The following ZNF350 variants were observed in gnomAD, a reference collection of about 807,000 sequenced individuals.
ZNF350 encodes the protein KRAB zinc finger protein ZFQR.
ZNF350 carries 5 observed loss-of-function variants against 13.1 expected under a neutral mutation model. That is an observed-to-expected ratio of 0.38 (90% CI 0.20 to 0.80). The LOEUF (loss-of-function observed/expected upper bound fraction) is 0.80. ZNF350 is among the 30% of genes least tolerant of loss of function. The probability of loss-of-function intolerance (pLI) is 0.43; values close to 1 mark genes in which losing one functional copy is unlikely to be tolerated. For missense variants in ZNF350, 534 were observed against 644.2 expected (o/e 0.83, Z 1.85); for synonymous variants, 199 against 224.2 (o/e 0.89, Z 1.00).
At chr19:51,979,272 G>A (rs555064489) in intron 1 of ZNF350, among the ~76,000 whole-genome samples, 3 of 152,134 alleles carry the variant, frequency 2.0e-5, no homozygotes, top group Non-Finnish European at 4.4e-5. Context: ...TGTGCACTAC[G>A]TTTTCCCTGT....
chr19:51,976,111 GCGACA>G lies in ZNF350; in HGVS notation c.-171-1585_-171-1581del, dbSNP rs2085889126. Reference sequence around the variant, plus strand: ...TGGACCCCTGGCGCCGTTATCTACTGCGACATCTAGAGAATGCAGTCTTGCAAGAC... The same window carrying G: ...TGGACCCCTGGCGCCGTTATCTACTGTCTAGAGAATGCAGTCTTGCAAGAC... On this transcript the variant is annotated intron_variant, in intron 1 of 4. Coordinates refer to ENST00000243644, the MANE Select transcript of ZNF350 (RefSeq NM_021632.4). This position sits in a 1 kb window ranked among gnomAD's most constrained non-coding sequence, Gnocchi z 4.5. Among the ~76,000 whole-genome samples the G allele has an allele frequency of 6.8e-6, 1 of 147,232 alleles. No individual in the cohort carries two copies. The highest frequency in any genetic ancestry group is 2.5e-5 in the African/African-American group (1 of 39,954).
chr19:51,985,106 C>T (rs1332895814), intron 1 of ZNF350, among the ~76,000 whole-genome samples: 1 of 152,194 alleles, frequency 6.6e-6, no homozygotes, highest in Non-Finnish European at 1.5e-5. Flanking sequence ...TGGGCAATGA[C>T]TGCTTATACA....
At chr19:51,986,307 C>G (rs572093027) in intron 1 of ZNF350, among the ~76,000 whole-genome samples, 6 of 152,158 alleles carry the variant, frequency 3.9e-5, no homozygotes, top group Non-Finnish European at 8.8e-5. Flanking sequence ...GTCTCGAAAG[C>G]TTCAGCCCTC....
At chr19:51,970,394 A>G (rs779087414) in intron 2 of ZNF350, among the ~76,000 whole-genome samples, 22 of 152,160 alleles carry the variant, frequency 1.4e-4, no homozygotes, top group Non-Finnish European at 5.9e-5. Context: ...TAGATTACTT[A>G]TAATATCTAA....
At chr19:51,981,707 A>C (rs2086049954) in intron 1 of ZNF350, among the ~76,000 whole-genome samples, 1 of 152,212 alleles carries the variant, frequency 6.6e-6, no homozygotes, top group Non-Finnish European at 1.5e-5. Context: ...CTAAAGAATT[A>C]ACAGAGAGAA....
intron 4 of ZNF350, 124 bp downstream of exon 4, chr19:51,968,454 C>A (rs2085638485): frequency 1.2e-6 from 1 of 833,976 alleles, no homozygotes; most frequent in African/African-American, 1.7e-5. Context: ...ACTGGTCTCA[C>A]ACTGGGAGAC....
chr19:51,968,826 G>C (rs1319352274), intron 3 of ZNF350, among the ~76,000 whole-genome samples, 153 bp from the exon 4 acceptor site: 1 of 152,118 alleles, frequency 6.6e-6, no homozygotes, highest in African/African-American at 2.4e-5. Context: ...TTTCATATCT[G>C]TAACATCAAG....
chr19:51,974,882 CAT>C (rs1325825134), intron 1 of ZNF350: 1 of 153,344 alleles, frequency 6.5e-6, no homozygotes, highest in Non-Finnish European at 1.5e-5. Context: ...TCCTTTAAAT[CAT>C]GTGTGCTCCC....
chr19:51,978,589 C>T (rs893982708), intron 1 of ZNF350, among the ~76,000 whole-genome samples: 2 of 152,066 alleles, frequency 1.3e-5, no homozygotes, highest in Admixed American at 1.3e-4. Flanking sequence ...CTATCTTTCC[C>T]AACCCATAGC....
At chr19:51,980,870 A>G (rs1483003555) in intron 1 of ZNF350, 1 of 152,196 alleles carries the variant, frequency 6.6e-6, no homozygotes, top group Non-Finnish European at 1.5e-5. Flanking sequence ...CACCACATTA[A>G]CATCTTATAT....
intron 4 of ZNF350, chr19:51,967,241 T>A (rs549475780): frequency 2.6e-5 from 4 of 152,188 alleles, no homozygotes; most frequent in Admixed American, 2.0e-4. Context: ...AAGAACAGAT[T>A]CATTCATTCC....
Position 51,965,450 on chromosome 19 carries a change from CTA to C in ZNF350, c.1001_1002del (p.Ile334SerfsTer16). 1.2e-6 allele frequency: 2 copies of C among 1,614,028 alleles called. No individual in the cohort carries two copies. Among genetic ancestry groups the C allele is most frequent in the Non-Finnish European group, 1.7e-6 (2 of 1,179,992 alleles). Reference protein sequence around the residue: ...GKGFIQKTCLIAHQRFHTGKT... With the variant: ...GKGFIQKTCLXAHQRFHTGKT... ...TTTCCTGTGTGAAATCTCTGATGTG[CTA>C]TGAGACACGTCTTCTGAATGAAGCC... On this transcript the variant is annotated frameshift_variant, in exon 5 of 5. Transcript: ENST00000243644. LOFTEE classifies it low-confidence loss of function (END_TRUNC).
In ZNF350 at chr19:51,974,550, A is replaced by G. The variant is rs2085833314; in HGVS notation, c.-171-19T>C. The G allele has an allele frequency of 1.6e-6, 1 of 626,224 alleles. No homozygotes were observed. The highest frequency in any genetic ancestry group is 2.8e-6 in the Non-Finnish European group (1 of 355,116). 38.8% of individuals were successfully genotyped at this position (626,224 alleles called of 1,614,324 possible). A position where few individuals can be genotyped will look rare whatever the true frequency, so the allele number is the denominator to read the frequency against. ...TCAGAACCTGTGGGTTGAAGAGCAA[A>G]TTCAATGTAAGTGGTACATTTTTTC... is the stretch of plus-strand genomic sequence containing the variant. On this transcript the variant is annotated intron_variant, in intron 1 of 4. Transcript: ENST00000243644.
chr19:51,975,444 A>C (rs368127874), intron 1 of ZNF350, among the ~76,000 whole-genome samples: 2 of 151,416 alleles, frequency 1.3e-5, no homozygotes, highest in Non-Finnish European at 2.9e-5. Flanking sequence ...AAAAAAAAAA[A>C]AAAAAAAACT....
At chr19:51,974,588 C>T in intron 1 of ZNF350, 57 bp from the exon 2 acceptor site, 1 of 523,888 alleles carries the variant, frequency 1.9e-6, no homozygotes, top group Non-Finnish European at 3.5e-6. Flanking sequence ...GGCCCAGATA[C>T]TGTCACTGCT....
At position 51,965,662 on chromosome 19, in the gene ZNF350, C is replaced by T. The variant is rs200384111; in HGVS notation, c.791G>A (p.Cys264Tyr). 4 of 1,614,150 alleles carry T rather than the reference C, an allele frequency of 2.5e-6. No homozygotes were observed. The highest frequency in any genetic ancestry group is 3.4e-6 in the Non-Finnish European group (4 of 1,180,022). ...GAGAAAGGCTTTGCCACATTCAGGG[C>T]ATTCATAAGGTTTTTCTCCTGTATG... ...RTHTGEKPYE[C>Y]PECGKAFLKK... Residue 264 changes from cysteine (C) to tyrosine (Y), a missense_variant, in exon 5 of 5, where the codon TGC becomes TAC. Cys to Tyr is a radical substitution (Grantham distance 194). Transcript: ENST00000243644.
At chr19:51,975,057 G>A (rs889150604) in intron 1 of ZNF350, among the ~76,000 whole-genome samples, 1 of 152,152 alleles carries the variant, frequency 6.6e-6, no homozygotes, top group African/African-American at 2.4e-5. Flanking sequence ...ATAATTTACT[G>A]GATAATTAGG....
intron 2 of ZNF350, among the ~76,000 whole-genome samples, chr19:51,972,556 G>A (rs1171346397): frequency 6.6e-6 from 1 of 152,064 alleles, no homozygotes; most frequent in Non-Finnish European, 1.5e-5. Flanking sequence ...TGTTCAAAGT[G>A]TAGCATCTTC....
rs765465404 is a variant in ZNF350, at chr19:51,965,452, A to G, written c.1001T>C (p.Ile334Thr). 2.5e-6 allele frequency: 4 copies of G among 1,613,946 alleles called. No individual in the cohort carries two copies. The highest frequency in any genetic ancestry group is 1.3e-5 in the African/African-American group (1 of 74,886). Residue 334 changes from isoleucine to threonine, a missense_variant, in exon 5 of 5, where the codon ATA (isoleucine) becomes ACA (threonine). Coordinates refer to ENST00000243644, the MANE Select transcript of ZNF350 (RefSeq NM_021632.4). ...GKGFIQKTCL[I>T]AHQRFHTGKT... The stretch of plus-strand genomic sequence containing the variant: ...TCCTGTGTGAAATCTCTGATGTGCT[A>G]TGAGACACGTCTTCTGAATGAAGCC...
Sources: allele counts gnomAD v4.1 joint callset (sites outside exome capture counted in the v4.1 genomes callset), GRCh38; gene constraint gnomAD v4.1.1; non-coding constraint Gnocchi (gnomAD v3.1); transcripts MANE v1.5; gene names NCBI Gene and HGNC (gene_info 2026-07-23, HGNC 2026-07-21).